The following STMND1 variants were observed in gnomAD, a reference collection of about 807,000 sequenced individuals.
The protein encoded by STMND1 is stathmin domain-containing protein 1.
Under a neutral mutation model 23.0 loss-of-function variants are expected in STMND1, and 17 were observed. The observed-to-expected ratio is 0.74, with a 90% CI of 0.51 to 1.11. The LOEUF is 1.11. Ranked by LOEUF, STMND1 falls within the 50% of genes least tolerant of loss-of-function variation. The pLI, the probability that STMND1 is intolerant of heterozygous loss-of-function variation, is 0.00. For missense variants in STMND1, 305 were observed against 329.1 expected (o/e 0.93, Z 0.57); for synonymous variants, 114 against 119.9 (o/e 0.95, Z 0.32).
At chr6:17,103,817 G>A (rs560480437) in intron 1 of STMND1, among the ~76,000 whole-genome samples, 1 of 151,768 alleles carries the variant, frequency 6.6e-6, no homozygotes, top group Non-Finnish European at 1.5e-5. Flanking sequence ...TGATCCACCC[G>A]CCCCAGCCTC....
In STMND1 at chr6:17,120,629, C is replaced by G; in HGVS notation, c.282C>G (p.Ile94Met). ...VNSDLVTNGL[I>M]NKPQSLESRE... ...AAGACCTAGTGACCAATGGATTAAT[C>G]AATAAACCCCAATCCCTAGAGAGTC... The change falls in exon 3 of 5, where the codon ATC becomes ATG. Residue 94 changes from isoleucine (I) to methionine (M), a missense_variant. Transcript: ENST00000536551. 6.6e-7 allele frequency: 1 copy of G among 1,522,124 alleles called. No homozygotes were observed. The highest frequency in any genetic ancestry group is 8.8e-7 in the Non-Finnish European group (1 of 1,142,316). 94.3% of individuals were successfully genotyped at this position (1,522,124 alleles called of 1,614,324 possible).
intron 3 of STMND1, among the ~76,000 whole-genome samples, chr6:17,125,749 C>T (rs1006994339): frequency 2.0e-5 from 3 of 152,006 alleles, no homozygotes; most frequent in Non-Finnish European, 4.4e-5. Context: ...ATTCTATCCA[C>T]AAGACTCCTT....
chr6:17,102,230 C>T lies in STMND1; in HGVS notation c.-28C>T. 1 of 1,517,016 alleles carries T rather than the reference C, an allele frequency of 6.6e-7. No individual in the cohort carries two copies. The highest frequency in any genetic ancestry group is 1.2e-5 in the South Asian group (1 of 81,944). 94.0% of individuals were successfully genotyped at this position (1,517,016 alleles called of 1,614,324 possible). Reference sequence around the variant, plus strand: ...TCGCGGGGGCGCACAGCAGCCAAGCCCGCGGAGGAGGAGCGCGCGCGCGCA... The same window carrying T: ...TCGCGGGGGCGCACAGCAGCCAAGCTCGCGGAGGAGGAGCGCGCGCGCGCA... On this transcript the variant is annotated 5_prime_UTR_variant, in exon 1 of 5. Coordinates refer to ENST00000536551, the MANE Select transcript of STMND1 (RefSeq NM_001190766.2).
At chr6:17,118,767 G>T (rs1180722163) in intron 2 of STMND1, among the ~76,000 whole-genome samples, 1 of 152,206 alleles carries the variant, frequency 6.6e-6, no homozygotes, top group African/African-American at 2.4e-5. Flanking sequence ...TTGAGAGTAT[G>T]AGTGTTGGAG....
At chr6:17,127,422 C>T (rs1305557122) in intron 3 of STMND1, among the ~76,000 whole-genome samples, 10 of 152,128 alleles carry the variant, frequency 6.6e-5, no homozygotes, top group Non-Finnish European at 1.3e-4. Flanking sequence ...TGGTGGCACA[C>T]ACCTGTAATC....
chr6:17,129,635 G>A (rs538763896), intron 4 of STMND1, among the ~76,000 whole-genome samples: 109 of 152,144 alleles, frequency 7.2e-4, no homozygotes, highest in African/African-American at 2.5e-3. Context: ...ACGAGGTCAG[G>A]AGATTGAGAC....
At chr6:17,110,885 G>A in intron 1 of STMND1, 1 of 456,040 alleles carries the variant, frequency 2.2e-6, no homozygotes, top group Non-Finnish European at 4.4e-6. Context: ...CCTGTGGTAT[G>A]TGTGTCTTAG....
intron 1 of STMND1, among the ~76,000 whole-genome samples, chr6:17,104,164 C>T (rs766945370): frequency 1.3e-5 from 2 of 152,098 alleles, no homozygotes; most frequent in African/African-American, 2.4e-5. Context: ...CCTGAGATGC[C>T]CTCCCTGGGA....
intron 3 of STMND1, among the ~76,000 whole-genome samples, chr6:17,123,307 T>C (rs966422902): frequency 6.6e-6 from 1 of 152,172 alleles, no homozygotes; most frequent in Admixed American, 6.5e-5. Flanking sequence ...AGAATGGTTG[T>C]TGGGAACGTT....
In STMND1 at chr6:17,130,883, C is replaced by G; in HGVS notation, c.*2C>G. On this transcript the variant is annotated 3_prime_UTR_variant, in exon 5 of 5. Coordinates refer to ENST00000536551, the MANE Select transcript of STMND1 (RefSeq NM_001190766.2). ...CAAGCAGATGACATAGTCTACTAAGCCATTTTTTGTGAATTTCATAAGAAA... is the reference window on the plus strand; with the variant it reads ...CAAGCAGATGACATAGTCTACTAAGGCATTTTTTGTGAATTTCATAAGAAA... 1 of 1,499,910 alleles carries G rather than the reference C, an allele frequency of 6.7e-7. No homozygotes were observed. The highest frequency in any genetic ancestry group is 1.3e-5 in the South Asian group (1 of 79,572). 92.9% of individuals were successfully genotyped at this position (1,499,910 alleles called of 1,614,324 possible).
intron 1 of STMND1, among the ~76,000 whole-genome samples, chr6:17,112,652 C>G (rs1041453543): frequency 6.6e-6 from 1 of 152,154 alleles, no homozygotes; most frequent in Non-Finnish European, 1.5e-5. Flanking sequence ...TGGCAGGTGC[C>G]TGTAGTCCCA....
In STMND1 at chr6:17,130,964, C is replaced by A; in HGVS notation, c.*83C>A. Reference sequence around the variant, plus strand: ...AGTATGTCTCATATTCTTTGACTGACTGACCTCATTCCACTGGGATTTCTG... The same window carrying A: ...AGTATGTCTCATATTCTTTGACTGAATGACCTCATTCCACTGGGATTTCTG... On this transcript the variant is annotated 3_prime_UTR_variant, in exon 5 of 5. Coordinates refer to ENST00000536551, the MANE Select transcript of STMND1 (RefSeq NM_001190766.2). 2 of 1,290,496 alleles carry A rather than the reference C, an allele frequency of 1.5e-6. No homozygotes were observed. The highest frequency in any genetic ancestry group is 2.1e-6 in the Non-Finnish European group (2 of 960,252). The allele number at this position is 1,290,496 out of a possible 1,614,324, so 79.9% of individuals were successfully genotyped here.
rs1581372204 is a variant in STMND1, at chr6:17,120,889, C to T, written c.411+131C>T. ...CAGCATTTATTTAAGTCAGATTTTT[C>T]TCCCTTAAATTCCCCCCACATCTCT... On this transcript the variant is annotated intron_variant, in intron 3 of 4. Transcript: ENST00000536551. 1.7e-5 allele frequency: 14 copies of T among 814,506 alleles called. No individual in the cohort carries two copies. The South Asian group carries it at 2.5e-4, about 15-fold the overall frequency. 50.5% of individuals were successfully genotyped at this position (814,506 alleles called of 1,614,324 possible). A position where few individuals can be genotyped will look rare whatever the true frequency, so the allele number is the denominator to read the frequency against.
chr6:17,116,956 G>A lies in STMND1; in HGVS notation c.259+1817G>A, dbSNP rs187252229. Among the ~76,000 whole-genome samples, 465 of 152,198 alleles carry A rather than the reference G, an allele frequency of 3.1e-3. 1 individual carries two copies. The highest frequency in any genetic ancestry group is 4.5e-3 in the Admixed American group (69 of 15,290). On this transcript the variant is annotated intron_variant, in intron 2 of 4. Transcript: ENST00000536551. Reference sequence around the variant, plus strand: ...CAAGCAGATTTTTTTCTGTTAATAAGTTACAGACATAATGCCACTTCGCTT... The same window carrying A: ...CAAGCAGATTTTTTTCTGTTAATAAATTACAGACATAATGCCACTTCGCTT...
In STMND1 at chr6:17,130,901, A is replaced by C; in HGVS notation, c.*20A>C. ...TACTAAGCCATTTTTTGTGAATTTC[A>C]TAAGAAAGCATTCATTCTCCCCATT... is the stretch of plus-strand genomic sequence containing the variant. On this transcript the variant is annotated 3_prime_UTR_variant, in exon 5 of 5. Coordinates refer to ENST00000536551, the MANE Select transcript of STMND1 (RefSeq NM_001190766.2). 2.0e-6 allele frequency: 3 copies of C among 1,487,370 alleles called. No individual in the cohort carries two copies. Among genetic ancestry groups the C allele is most frequent in the East Asian group, 2.5e-5 (1 of 40,326 alleles). 92.1% of individuals were successfully genotyped at this position (1,487,370 alleles called of 1,614,324 possible).
At chr6:17,112,971 A>G (rs1360094417) in intron 1 of STMND1, among the ~76,000 whole-genome samples, 2 of 152,294 alleles carry the variant, frequency 1.3e-5, no homozygotes, top group East Asian at 3.9e-4. Flanking sequence ...ATCCTAGGGT[A>G]TATGAAGTGG....
intron 3 of STMND1, among the ~76,000 whole-genome samples, 177 bp downstream of exon 3, chr6:17,120,935 TG>T (rs1263572747): frequency 6.6e-6 from 1 of 152,206 alleles, no homozygotes; most frequent in Non-Finnish European, 1.5e-5. Flanking sequence ...TCATATGGTT[TG>T]GTTCTGTGCT....
At position 17,110,554 on chromosome 6, in the gene STMND1, G is replaced by A. The variant is rs1049036278; in HGVS notation, c.82-4408G>A. 2.2e-5 allele frequency: 6 copies of A among 278,218 alleles called. No individual in the cohort carries two copies. The East Asian group carries it at 3.7e-4, about 17-fold the overall frequency. The allele number at this position is 278,218 out of a possible 1,614,324, so 17.2% of individuals were successfully genotyped here. A position where few individuals can be genotyped will look rare whatever the true frequency, so the allele number is the denominator to read the frequency against. On this transcript the variant is annotated intron_variant, in intron 1 of 4. Coordinates refer to ENST00000536551, the MANE Select transcript of STMND1 (RefSeq NM_001190766.2). The stretch of plus-strand genomic sequence containing the variant: ...GGAGGCCGAGGTGGGCAGATCACGA[G>A]GTCAAGAATTCGAGACCAGCCTGGC...
Position 17,130,717 on chromosome 6 carries a change from A to T in STMND1, c.667A>T (p.Arg223Trp). ...VAFAKGLQRV[R>W]SAGFEPSDLQ... ...ATTTGCCAAAGGACTTCAAAGGGTG[A>T]GGTCTGCTGGATTTGAACCATCTGA... The change falls in exon 5 of 5, where the codon AGG (arginine) becomes TGG (tryptophan). Residue 223 changes from arginine to tryptophan, a missense_variant. Transcript: ENST00000536551. 6.5e-7 allele frequency: 1 copy of T among 1,536,088 alleles called. No homozygotes were observed. Among genetic ancestry groups the T allele is most frequent in the Non-Finnish European group, 8.7e-7 (1 of 1,146,896 alleles).
Sources: allele counts gnomAD v4.1 joint callset (sites outside exome capture counted in the v4.1 genomes callset), GRCh38; gene constraint gnomAD v4.1.1; transcripts MANE v1.5; gene names NCBI Gene and HGNC (gene_info 2026-07-23, HGNC 2026-07-21).